Variants in RSRC1 observed in about 807,000 individuals in gnomAD.
The protein encoded by RSRC1 is arginine and serine rich coiled-coil 1.
RSRC1 carries 39 observed loss-of-function variants against 49.1 expected under a neutral mutation model. The observed-to-expected ratio is 0.79, with a 90% CI of 0.61 to 1.04. The LOEUF (loss-of-function observed/expected upper bound fraction) is 1.04, where lower values mean the gene tolerates loss of function less well. RSRC1 is among the 50% of genes least tolerant of loss of function. The pLI is 0.00. For missense variants in RSRC1, 388 were observed against 402.4 expected (o/e 0.96, Z 0.31); for synonymous variants, 143 against 130.8 (o/e 1.09, Z -0.63).
intron 4 of RSRC1, among the ~76,000 whole-genome samples, chr3:158,246,332 G>A (rs1474846407): frequency 2.0e-5 from 3 of 151,662 alleles, no homozygotes; most frequent in Non-Finnish European, 2.9e-5. Flanking sequence ...CACCAACATG[G>A]CACATGTATA....
intron 6 of RSRC1, among the ~76,000 whole-genome samples, chr3:158,402,143 A>T (rs1733924675): frequency 1.3e-5 from 2 of 151,960 alleles, no homozygotes; most frequent in African/African-American, 4.8e-5. Flanking sequence ...GAGTAATTAT[A>T]GCTAGAGTTT....
At chr3:158,228,719 A>G (rs16828809) in intron 4 of RSRC1, among the ~76,000 whole-genome samples, 11,652 of 151,872 alleles carry the variant, frequency 0.077, 543 homozygotes, top group South Asian at 0.13. Flanking sequence ...AGGTTTCTAA[A>G]TGAAGTAGAT....
intron 3 of RSRC1, among the ~76,000 whole-genome samples, chr3:158,126,956 T>C (rs1285764382): frequency 6.6e-6 from 1 of 152,156 alleles, no homozygotes; most frequent in Non-Finnish European, 1.5e-5. Flanking sequence ...ACCTGATTCC[T>C]TTCTGGCTTG....
chr3:158,150,676 G>C (rs1490013114), intron 3 of RSRC1, among the ~76,000 whole-genome samples: 1 of 152,164 alleles, frequency 6.6e-6, no homozygotes. Flanking sequence ...GGTAGTTGGA[G>C]TGGGAAAGCA....
At chr3:158,395,468 T>G (rs1291496067) in intron 6 of RSRC1, among the ~76,000 whole-genome samples, 1 of 151,992 alleles carries the variant, frequency 6.6e-6, no homozygotes, top group Non-Finnish European at 1.5e-5. Context: ...TATAAGGTAC[T>G]TAAACAAATT....
At chr3:158,123,781 G>T in intron 2 of RSRC1, 85 bp from the exon 3 acceptor site, 1 of 1,272,012 alleles carries the variant, frequency 7.9e-7, no homozygotes, top group South Asian at 1.4e-5. Context: ...AAAATCAGAT[G>T]ATTCTTTAGA....
intron 3 of RSRC1, among the ~76,000 whole-genome samples, chr3:158,148,692 CAAAAAAT>C (rs1011024045): frequency 8.0e-5 from 12 of 149,766 alleles, no homozygotes; most frequent in Admixed American, 4.6e-4. Flanking sequence ...GAAAGAAAAG[CAAAAAAT>C]AAAAAATAAA....
In RSRC1 at chr3:158,437,952, T is replaced by C. The variant is rs547470267; in HGVS notation, c.584-22983T>C. On this transcript the variant is annotated intron_variant, in intron 6 of 9. Coordinates refer to ENST00000611884, the MANE Select transcript of RSRC1 (RefSeq NM_001271838.2). ...TCAGCCCAAAATCTCCTTCAGCTGA[T>C]AAACAACTTCAGCAAAGTCTCAGGA... Among the ~76,000 whole-genome samples, 7 of 152,256 alleles carry C rather than the reference T, an allele frequency of 4.6e-5. 1 individual carries two copies. In the South Asian group the frequency reaches 1.4e-3, roughly 32 times the overall value.
At chr3:158,163,805 T>G (rs1054626934) in intron 3 of RSRC1, among the ~76,000 whole-genome samples, 2 of 152,022 alleles carry the variant, frequency 1.3e-5, no homozygotes, top group Middle Eastern at 3.4e-3. Context: ...TTTAAAAGGA[T>G]TAGACTCAAC....
chr3:158,359,000 A>T lies in RSRC1; in HGVS notation c.583+4092A>T, dbSNP rs933470981. 2.6e-5 allele frequency among the ~76,000 whole-genome samples: 4 copies of T among 151,626 alleles called. No homozygotes were observed. In the East Asian group the frequency reaches 7.7e-4, roughly 29 times the overall value. On this transcript the variant is annotated intron_variant, in intron 6 of 9. Transcript: ENST00000611884. ...TTTGGGTTGTTTCTACCTTTATTCTATTGTGAGTACATTTGAATATGTGTG... is the reference window on the plus strand; with the variant it reads ...TTTGGGTTGTTTCTACCTTTATTCTTTTGTGAGTACATTTGAATATGTGTG...
At position 158,487,946 on chromosome 3, in the gene RSRC1, C is replaced by CAAAAAAAAAAAAAAAA. The variant is rs1303656428; in HGVS notation, c.652+26945_652+26946insAAAAAAAAAAAAAAAA. On this transcript the variant is annotated intron_variant, in intron 7 of 9. Transcript: ENST00000611884. Reference sequence around the variant, plus strand: ...GCCTAGGAGACAAGAGACTCCATCTCAAGAAAAAAAAAAAAAAAAAAAAAA... The same window carrying CAAAAAAAAAAAAAAAA: ...GCCTAGGAGACAAGAGACTCCATCTCAAAAAAAAAAAAAAAAAAGAAAAAAAAAAAAAAAAAAAAAA... Among the ~76,000 whole-genome samples, 111 of 11,470 alleles carry CAAAAAAAAAAAAAAAA rather than the reference C, an allele frequency of 9.7e-3. 8 individuals are homozygous for CAAAAAAAAAAAAAAAA. Among genetic ancestry groups the CAAAAAAAAAAAAAAAA allele is most frequent in the South Asian group, 0.017 (4 of 230 alleles). The allele number at this position is 11,470 out of a possible 152,430, so 7.5% of individuals were successfully genotyped here.
intron 3 of RSRC1, among the ~76,000 whole-genome samples, chr3:158,200,436 T>C (rs1720977137): frequency 6.6e-6 from 1 of 152,208 alleles, no homozygotes; most frequent in African/African-American, 2.4e-5. Flanking sequence ...AGTATTGCTT[T>C]TTATTAATTT....
At chr3:158,517,497 T>C (rs1489163156) in intron 7 of RSRC1, among the ~76,000 whole-genome samples, 1 of 152,066 alleles carries the variant, frequency 6.6e-6, no homozygotes, top group African/African-American at 2.4e-5. Context: ...TTATAGGGGG[T>C]GATGTTTGTT....
At chr3:158,153,841 TC>T (rs1717694357) in intron 3 of RSRC1, among the ~76,000 whole-genome samples, 2 of 88,434 alleles carry the variant, frequency 2.3e-5, no homozygotes, top group Non-Finnish European at 4.4e-5. Context: ...ATAAAACTTC[TC>T]TTTGTCTGTT....
intron 3 of RSRC1, among the ~76,000 whole-genome samples, chr3:158,134,040 G>A (rs935271582): frequency 6.6e-6 from 1 of 152,142 alleles, no homozygotes; most frequent in Non-Finnish European, 1.5e-5. Flanking sequence ...AAGCATGCAT[G>A]ATATTGAATA....
At chr3:158,130,959 T>C (rs1004612266) in intron 3 of RSRC1, among the ~76,000 whole-genome samples, 24 of 152,156 alleles carry the variant, frequency 1.6e-4, no homozygotes, top group Non-Finnish European at 3.2e-4. Context: ...TACATCTTTT[T>C]AGAATTGTTT....
intron 7 of RSRC1, among the ~76,000 whole-genome samples, chr3:158,507,021 T>C (rs1739890412): frequency 6.6e-6 from 1 of 152,072 alleles, no homozygotes; most frequent in African/African-American, 2.4e-5. Flanking sequence ...ATTTTTAAAA[T>C]GTGTTGTATA....
intron 6 of RSRC1, among the ~76,000 whole-genome samples, chr3:158,408,841 G>A (rs1475661260): frequency 6.6e-6 from 1 of 151,978 alleles, no homozygotes; most frequent in East Asian, 1.9e-4. Context: ...AGACCAGCCT[G>A]GCCAACATGG....
intron 6 of RSRC1, among the ~76,000 whole-genome samples, chr3:158,443,291 G>A (rs145255986): frequency 2.0e-5 from 3 of 152,196 alleles, no homozygotes; most frequent in East Asian, 1.9e-4. Context: ...CCTAGAAAGC[G>A]GTTTTGTCTG....
Sources: allele counts gnomAD v4.1 joint callset (sites outside exome capture counted in the v4.1 genomes callset), GRCh38; gene constraint gnomAD v4.1.1; transcripts MANE v1.5; gene names NCBI Gene and HGNC (gene_info 2026-07-23, HGNC 2026-07-21).